GALNT18: variants seen among roughly 807,000 people sequenced by gnomAD.
The protein encoded by GALNT18 is polypeptide N-acetylgalactosaminyltransferase 18.
Under a neutral mutation model 69.5 loss-of-function variants are expected in GALNT18, and 44 were observed. The ratio of observed to expected loss-of-function variants is 0.63; its 90% CI spans 0.50 to 0.81. The LOEUF is 0.81. Among genes scored for constraint, GALNT18 ranks in the 40% least tolerant of loss-of-function variants. The pLI is 0.00. For synonymous variants in GALNT18, 364 were observed against 318.2 expected (o/e 1.14, Z -1.53); for missense variants, 715 against 810.0 (o/e 0.88, Z 1.42).
At chr11:11,455,814 C>A (rs1855913275) in intron 1 of GALNT18, among the ~76,000 whole-genome samples, 1 of 152,168 alleles carries the variant, frequency 6.6e-6, no homozygotes, top group Admixed American at 6.5e-5. Context: ...TGGCACTGGG[C>A]ACAGTGACTC....
At chr11:11,539,235 C>T (rs1343837509) in intron 1 of GALNT18, among the ~76,000 whole-genome samples, 1 of 152,198 alleles carries the variant, frequency 6.6e-6, no homozygotes, top group Non-Finnish European at 1.5e-5. Context: ...TCCCAGCACC[C>T]ACACCTCTGC....
At chr11:11,301,684 G>A (rs1427106036) in intron 9 of GALNT18, among the ~76,000 whole-genome samples, 1 of 152,200 alleles carries the variant, frequency 6.6e-6, no homozygotes, top group Admixed American at 6.5e-5. Context: ...GCTCTTTGGG[G>A]AGAAGTTTGT....
At chr11:11,560,117 A>G (rs1443069702) in intron 1 of GALNT18, among the ~76,000 whole-genome samples, 177 of 2,354 alleles carry the variant, frequency 0.075, no homozygotes, top group Middle Eastern at 0.2. Flanking sequence ...AATAAGATAC[A>G]ATGGGATGGG....
At position 11,441,736 on chromosome 11, in the gene GALNT18, G is replaced by C. The variant is rs367931594; in HGVS notation, c.428+7008C>G. Among the ~76,000 whole-genome samples, 3 of 152,142 alleles carry C rather than the reference G, an allele frequency of 2.0e-5. No homozygotes were observed. The East Asian group carries it at 5.8e-4, about 29-fold the overall frequency. ...CTTTCGCTCATGGTTAGCAACTCTG[G>C]GATGGTCCAGCAGTCATGGCCTACC... On this transcript the variant is annotated intron_variant, in intron 2 of 10. Coordinates refer to ENST00000227756, the MANE Select transcript of GALNT18 (RefSeq NM_198516.3).
At chr11:11,394,898 A>G (rs925192073) in intron 3 of GALNT18, among the ~76,000 whole-genome samples, 6 of 152,270 alleles carry the variant, frequency 3.9e-5, no homozygotes, top group South Asian at 2.1e-4. Flanking sequence ...TGCTCTCACC[A>G]TGGAAACGAC....
intron 1 of GALNT18, among the ~76,000 whole-genome samples, chr11:11,450,700 C>G (rs1349861003): frequency 6.6e-6 from 1 of 152,224 alleles, no homozygotes; most frequent in Non-Finnish European, 1.5e-5. Flanking sequence ...ACCATCAGAG[C>G]TAACACTTGA....
In GALNT18 at chr11:11,621,557, T is replaced by A. The variant is rs1302654715; in HGVS notation, c.37A>T (p.Thr13Ser). ...GTCATGCCGCTCAGGATCACGCAAGTGGACACCAAAGTTTTGGTCTTCCTG... is the reference window on the plus strand; with the variant it reads ...GTCATGCCGCTCAGGATCACGCAAGAGGACACCAAAGTTTTGGTCTTCCTG... The part of the protein sequence containing the change: ...CTRKTKTLVS[T>S]CVILSGMTNI... The change falls in exon 1 of 11, where the codon ACT (threonine) becomes TCT (serine). Residue 13 changes from threonine (T) to serine (S), a missense_variant. Physicochemically the swap from Thr to Ser is moderately conservative, Grantham distance 58 (BLOSUM62 1). Transcript: ENST00000227756. This position sits in a 1 kb window ranked among gnomAD's most constrained non-coding sequence, Gnocchi z 9.3. 2 of 1,612,698 alleles carry A rather than the reference T, an allele frequency of 1.2e-6. No homozygotes were observed. The highest frequency in any genetic ancestry group is 1.7e-6 in the Non-Finnish European group (2 of 1,179,344).
At chr11:11,282,503 C>T (rs1240745780) in intron 10 of GALNT18, among the ~76,000 whole-genome samples, 1 of 152,196 alleles carries the variant, frequency 6.6e-6, no homozygotes, top group Non-Finnish European at 1.5e-5. Flanking sequence ...TGTCCAGGGT[C>T]ACATGGTCAG....
At position 11,341,928 on chromosome 11, in the gene GALNT18, C is replaced by A. The variant is rs1850215480; in HGVS notation, c.1093-924G>T. ...CTTGAGCCCAGGAGTGTGAGACAAG[C>A]CTGGGCAACATAGTGAGATCCTGTC... On this transcript the variant is annotated intron_variant, in intron 6 of 10. Coordinates refer to ENST00000227756, the MANE Select transcript of GALNT18 (RefSeq NM_198516.3). This position sits in a 1 kb window ranked among gnomAD's most constrained non-coding sequence, Gnocchi z 6.3. Among the ~76,000 whole-genome samples, 1 of 151,974 alleles carries A rather than the reference C, an allele frequency of 6.6e-6. No homozygotes were observed. Among genetic ancestry groups the A allele is most frequent in the African/African-American group, 2.4e-5 (1 of 41,340 alleles).
intron 1 of GALNT18, among the ~76,000 whole-genome samples, chr11:11,507,158 G>A (rs1299855142): frequency 1.3e-5 from 2 of 152,192 alleles, no homozygotes; most frequent in Non-Finnish European, 2.9e-5. Context: ...AGTGAATAAG[G>A]AGTGAATTAA....
intron 10 of GALNT18, among the ~76,000 whole-genome samples, chr11:11,272,469 C>T (rs1848847926): frequency 6.6e-6 from 1 of 151,520 alleles, no homozygotes; most frequent in Admixed American, 6.5e-5. Context: ...CCAAGCTCCT[C>T]AGTGCAGCAC....
At chr11:11,272,515 C>T (rs1341604339) in intron 10 of GALNT18, among the ~76,000 whole-genome samples, 1 of 152,212 alleles carries the variant, frequency 6.6e-6, no homozygotes. Flanking sequence ...CCTTTCTAGC[C>T]TCATCTCTGA....
intron 1 of GALNT18, among the ~76,000 whole-genome samples, chr11:11,466,603 T>A (rs1856160891): frequency 6.6e-6 from 1 of 152,220 alleles, no homozygotes; most frequent in Admixed American, 6.5e-5. Flanking sequence ...ATAGCTCTAA[T>A]TCAGTCTGTT....
intron 1 of GALNT18, among the ~76,000 whole-genome samples, chr11:11,594,724 G>T (rs1859444551): frequency 6.7e-6 from 1 of 150,174 alleles, no homozygotes; most frequent in Admixed American, 6.7e-5. Flanking sequence ...TAGACATTTG[G>T]ATTATTTTCA....
rs1483200740 is a variant in GALNT18, at chr11:11,494,903, G to C, written c.236-45967C>G. Among the ~76,000 whole-genome samples the C allele has an allele frequency of 6.6e-6, 1 of 152,070 alleles. No homozygotes were observed. The highest frequency in any genetic ancestry group is 2.4e-5 in the African/African-American group (1 of 41,404). The stretch of plus-strand genomic sequence containing the variant: ...AAATCAGATGCCAAATTCCACCAAA[G>C]GAAAATGCAATAACATGGAGTTATA... On this transcript the variant is annotated intron_variant, in intron 1 of 10. Transcript: ENST00000227756. This position sits in a 1 kb window ranked among gnomAD's most constrained non-coding sequence, Gnocchi z 5.7.
At chr11:11,526,244 G>A (rs915039357) in intron 1 of GALNT18, among the ~76,000 whole-genome samples, 2 of 152,162 alleles carry the variant, frequency 1.3e-5, no homozygotes, top group African/African-American at 4.8e-5. Flanking sequence ...GCTTTTCCAT[G>A]TAACAATTTC....
chr11:11,551,694 G>A (rs535955528), intron 1 of GALNT18, among the ~76,000 whole-genome samples: 55 of 152,294 alleles, frequency 3.6e-4, no homozygotes, highest in African/African-American at 1.2e-3. Context: ...ATTGTCTCAC[G>A]CTTCCATGTG....
At chr11:11,278,754 T>C (rs748586997) in intron 10 of GALNT18, among the ~76,000 whole-genome samples, 1 of 151,990 alleles carries the variant, frequency 6.6e-6, no homozygotes, top group South Asian at 2.1e-4. Context: ...GGTACAAAAA[T>C]ACAGTTCGAT....
At chr11:11,576,429 T>C (rs561430412) in intron 1 of GALNT18, among the ~76,000 whole-genome samples, 1 of 152,334 alleles carries the variant, frequency 6.6e-6, no homozygotes, top group South Asian at 2.1e-4. Flanking sequence ...GGTGCAGATA[T>C]AAGAGAGGAC....
Sources: gnomAD v4.1 joint callset for allele counts (sites outside exome capture counted in the v4.1 genomes callset) on GRCh38, gnomAD v4.1.1 for gene constraint, Gnocchi (gnomAD v3.1) non-coding constraint, MANE v1.5 for transcripts, NCBI Gene and HGNC (gene_info 2026-07-23, HGNC 2026-07-21) for gene names.